The following SPON1 variants were observed in gnomAD, a reference collection of about 807,000 sequenced individuals.
SPON1 encodes spondin 1.
In SPON1, 52 loss-of-function variants were observed where a neutral mutation model predicts 111.7. That is an observed-to-expected ratio of 0.47 (90% CI 0.37 to 0.59). The LOEUF is 0.59. SPON1 is among the 20% of genes least tolerant of loss of function. SPON1 has a pLI of 0.00. For missense variants in SPON1, 957 were observed against 1,068.5 expected, an observed-to-expected ratio of 0.90 and a Z score of 1.46; for synonymous variants, 410 against 395.8, an observed-to-expected ratio of 1.04 and a Z score of -0.43.
Position 14,259,713 on chromosome 11 carries a change from C to CG in SPON1, c.1831+17dup, listed in dbSNP as rs1258785658. ...GATGCCAGAGTGCCGTGAGTGAGAG[C>CG]GGGGGTGGACTTGGAGGAGGCCACT... On this transcript the variant is annotated intron_variant, in intron 13 of 15. Coordinates refer to ENST00000576479, the MANE Select transcript of SPON1 (RefSeq NM_006108.4). The surrounding 1 kb of genome is among the most constrained non-coding windows in gnomAD (Gnocchi z 5.0). 6.4e-7 allele frequency: 1 copy of CG among 1,565,234 alleles called. No homozygotes were observed. The highest frequency in any genetic ancestry group is 1.4e-5 in the African/African-American group (1 of 73,802).
chr11:14,020,663 G>T (rs1427791283), intron 2 of SPON1, among the ~76,000 whole-genome samples: 1 of 152,164 alleles, frequency 6.6e-6, no homozygotes, highest in Non-Finnish European at 1.5e-5. Context: ...AAAAAGAGGG[G>T]TGATTGATCT....
chr11:13,969,010 T>C (rs528554158), intron 1 of SPON1, among the ~76,000 whole-genome samples: 5 of 152,264 alleles, frequency 3.3e-5, no homozygotes, highest in South Asian at 2.1e-4. Context: ...AAAAACACAA[T>C]ATATCTTACT....
At chr11:14,061,404 T>A (rs1591364786) in intron 3 of SPON1, among the ~76,000 whole-genome samples, 1 of 152,358 alleles carries the variant, frequency 6.6e-6, no homozygotes, top group South Asian at 2.1e-4. Flanking sequence ...ACCTATCCAG[T>A]CATCTAATTC....
intron 3 of SPON1, among the ~76,000 whole-genome samples, chr11:14,065,785 A>T (rs1848828083): frequency 6.6e-6 from 1 of 152,188 alleles, no homozygotes. Context: ...GACTCAGAAA[A>T]ATGCACTTGT....
chr11:14,215,076 G>T (rs1201561198), intron 6 of SPON1, among the ~76,000 whole-genome samples: 30 of 151,920 alleles, frequency 2.0e-4, no homozygotes, highest in Admixed American at 1.9e-3. Flanking sequence ...AGAGATGAGA[G>T]TCTCACCATG....
chr11:14,097,422 T>A (rs1849110168), intron 5 of SPON1, among the ~76,000 whole-genome samples: 1 of 152,240 alleles, frequency 6.6e-6, no homozygotes, highest in Non-Finnish European at 1.5e-5. Flanking sequence ...ATATGCTTCA[T>A]CAAGTTAATT....
intron 2 of SPON1, among the ~76,000 whole-genome samples, chr11:14,009,113 A>G (rs1170285805): frequency 6.6e-6 from 1 of 152,216 alleles, no homozygotes. Context: ...TCAGGGACTT[A>G]GTTCCATTCA....
At chr11:14,013,586 A>T (rs1848421828) in intron 2 of SPON1, among the ~76,000 whole-genome samples, 1 of 152,130 alleles carries the variant, frequency 6.6e-6, no homozygotes, top group Non-Finnish European at 1.5e-5. Flanking sequence ...ATTGAGTAGG[A>T]TCTTCTGGGG....
At chr11:14,241,156 GAGA>G (rs1396731815) in intron 6 of SPON1, among the ~76,000 whole-genome samples, 6 of 152,286 alleles carry the variant, frequency 3.9e-5, no homozygotes, top group Admixed American at 2.0e-4. Context: ...TCTGGAAACG[GAGA>G]AGGAGACAGA....
intron 3 of SPON1, among the ~76,000 whole-genome samples, chr11:14,072,123 C>T (rs1324465275): frequency 3.9e-5 from 6 of 152,032 alleles, no homozygotes; most frequent in African/African-American, 9.7e-5. Flanking sequence ...TTCCAGACCA[C>T]GGGTTTTGGG....
chr11:14,026,892 T>C (rs1554915386), intron 2 of SPON1, among the ~76,000 whole-genome samples: 1 of 152,240 alleles, frequency 6.6e-6, no homozygotes, highest in Non-Finnish European at 1.5e-5. Context: ...TCTTTTGACA[T>C]GTAAGTGAGA....
chr11:14,090,917 C>G (rs1272720040), intron 5 of SPON1, among the ~76,000 whole-genome samples: 3 of 145,946 alleles, frequency 2.1e-5, no homozygotes, highest in Non-Finnish European at 4.5e-5. Context: ...TTTACAACCC[C>G]TGAGCTAGAT....
Position 14,262,758 on chromosome 11 carries a change from C to T in SPON1, c.2043C>T (p.Asn681=). Residue 681 remains asparagine (N), a synonymous_variant, in exon 15 of 16, where the codon AAC becomes AAT. Coordinates refer to ENST00000576479, the MANE Select transcript of SPON1 (RefSeq NM_006108.4). ...LTEWSQWSEC[N]KSCGKGHVIR... is the part of the protein sequence containing the mutation. ...AGTGGTCCCAGTGGTCGGAATGTAA[C>T]AAGTCATGTGGGAAAGGCCACGTGA... The T allele has an allele frequency of 5.0e-6, 8 of 1,613,900 alleles. No homozygotes were observed. Among genetic ancestry groups the T allele is most frequent in the Non-Finnish European group, 6.8e-6 (8 of 1,179,868 alleles).
At position 14,065,289 on chromosome 11, in the gene SPON1, C is replaced by T. The variant is rs1351170403; in HGVS notation, c.480-10056C>T. On this transcript the variant is annotated intron_variant, in intron 3 of 15. Transcript: ENST00000576479. ...CAGTCAGCCCTAGTTTGCAGGAACCCACAGAAGCGGGAGGAGGCTGAAGCC... is the reference window on the plus strand; with the variant it reads ...CAGTCAGCCCTAGTTTGCAGGAACCTACAGAAGCGGGAGGAGGCTGAAGCC... Among the ~76,000 whole-genome samples, 4 of 152,312 alleles carry T rather than the reference C, an allele frequency of 2.6e-5. No homozygotes were observed. In the East Asian group the frequency reaches 7.7e-4, roughly 29 times the overall value.
chr11:14,007,601 G>A (rs192893640), intron 2 of SPON1, among the ~76,000 whole-genome samples: 133 of 152,154 alleles, frequency 8.7e-4, no homozygotes, highest in Non-Finnish European at 9.3e-4. Flanking sequence ...ATCTCCTTTC[G>A]CAACACCCTC....
At chr11:14,258,289 T>A (rs187671005) in intron 11 of SPON1, among the ~76,000 whole-genome samples, 34 of 152,348 alleles carry the variant, frequency 2.2e-4, no homozygotes, top group Admixed American at 1.9e-3. Flanking sequence ...CAGCCCCTCA[T>A]CTGTGTTCCA....
At chr11:13,980,176 G>T (rs1848133403) in intron 1 of SPON1, among the ~76,000 whole-genome samples, 1 of 152,096 alleles carries the variant, frequency 6.6e-6, no homozygotes, top group Middle Eastern at 3.2e-3. Flanking sequence ...GAGTAGCTGG[G>T]ATTACAGGCA....
intron 2 of SPON1, among the ~76,000 whole-genome samples, chr11:14,011,593 C>G (rs1332665100): frequency 1.3e-5 from 2 of 152,090 alleles, no homozygotes; most frequent in Non-Finnish European, 2.9e-5. Context: ...TTAAGAATTT[C>G]CTATTGTTCT....
chr11:14,240,591 G>T (rs1292598441), intron 6 of SPON1, among the ~76,000 whole-genome samples: 2 of 68,306 alleles, frequency 2.9e-5, no homozygotes, highest in African/African-American at 9.4e-5. Context: ...AAGCAATATT[G>T]TGTGTGTGTG....
Sources: allele counts gnomAD v4.1 joint callset (sites outside exome capture counted in the v4.1 genomes callset), GRCh38; gene constraint gnomAD v4.1.1; non-coding constraint Gnocchi (gnomAD v3.1); transcripts MANE v1.5; gene names NCBI Gene and HGNC (gene_info 2026-07-23, HGNC 2026-07-21).